MARCHF8: variants seen among roughly 807,000 people sequenced by gnomAD.
MARCHF8 encodes membrane associated ring-CH-type finger 8.
In MARCHF8, 40 loss-of-function variants were observed where a neutral mutation model predicts 51.6. That is an observed-to-expected ratio of 0.77 (90% CI 0.60 to 1.01). MARCHF8 has a LOEUF of 1.01. Ranked by LOEUF, MARCHF8 falls within the 50% of genes least tolerant of loss-of-function variation. MARCHF8 has a pLI of 0.00. For synonymous variants in MARCHF8, 263 were observed against 280.3 expected (o/e 0.94, Z 0.62); for missense variants, 685 against 708.6 (o/e 0.97, Z 0.38).
chr10:45,522,161 T>A (rs1564500137), intron 2 of MARCHF8, among the ~76,000 whole-genome samples: 1 of 152,220 alleles, frequency 6.6e-6, no homozygotes, highest in Non-Finnish European at 1.5e-5. Context: ...AAACTCTGCA[T>A]ATTAATTTAA....
chr10:45,471,879 T>A (rs138059270), intron 3 of MARCHF8, among the ~76,000 whole-genome samples: 170 of 152,360 alleles, frequency 1.1e-3, no homozygotes, highest in African/African-American at 3.8e-3. Context: ...TCTTGATTCT[T>A]GATGACCTAG....
At chr10:45,568,395 C>T (rs968685121) in intron 1 of MARCHF8, among the ~76,000 whole-genome samples, 2 of 152,122 alleles carry the variant, frequency 1.3e-5, no homozygotes, top group African/African-American at 4.8e-5. Flanking sequence ...CTGGACCACA[C>T]TGGAAGAACT....
chr10:45,564,985 T>C (rs1380272094), intron 1 of MARCHF8, among the ~76,000 whole-genome samples: 4 of 98,702 alleles, frequency 4.1e-5, no homozygotes, highest in Non-Finnish European at 6.0e-5. Context: ...TAGGATCCAC[T>C]AAAAAAAAAA....
intron 3 of MARCHF8, among the ~76,000 whole-genome samples, chr10:45,487,295 T>A (rs2042998582): frequency 6.6e-6 from 1 of 152,192 alleles, no homozygotes; most frequent in South Asian, 2.1e-4. Context: ...CAAACAGTTT[T>A]TTTTAACTAT....
intron 1 of MARCHF8, among the ~76,000 whole-genome samples, chr10:45,569,064 C>CAA (rs71023131): frequency 0.026 from 1,633 of 63,088 alleles, 38 homozygotes; most frequent in Non-Finnish European, 0.027. Context: ...GACTCCATCT[C>CAA]AAAAAAAAAA....
At chr10:45,569,064 CAAAAAAAA>C (rs71023131) in intron 1 of MARCHF8, among the ~76,000 whole-genome samples, 7 of 64,430 alleles carry the variant, frequency 1.1e-4, no homozygotes, top group African/African-American at 4.3e-4. Context: ...GACTCCATCT[CAAAAAAAA>C]AAAAAAAAAA....
rs138415497 is a variant in MARCHF8, at chr10:45,505,766, A to G, written c.103-16349T>C. On this transcript the variant is annotated intron_variant, in intron 2 of 7. Coordinates refer to ENST00000453424, the MANE Select transcript of MARCHF8 (RefSeq NM_001282866.2). ...ATCTTTGTGAATGGTTTAATGGGTG[A>G]GCAACTATAAATAGTCTGGTTTGTT... 2.1e-3 allele frequency among the ~76,000 whole-genome samples: 319 copies of G among 152,366 alleles called. 1 individual carries two copies. Among genetic ancestry groups the G allele is most frequent in the African/African-American group, 7.2e-3 (301 of 41,586 alleles).
intron 4 of MARCHF8, 97 bp downstream of exon 4, chr10:45,464,127 GTTTAGACCAAAGGCA>G: frequency 6.5e-7 from 1 of 1,547,464 alleles, no homozygotes; most frequent in Non-Finnish European, 8.8e-7. Context: ...CTCGCCAACT[GTTTAGACCAAAGGCA>G]GATTGATTAA....
At chr10:45,548,589 CAA>C (rs747758767) in intron 1 of MARCHF8, among the ~76,000 whole-genome samples, 4 of 152,120 alleles carry the variant, frequency 2.6e-5, no homozygotes, top group Non-Finnish European at 5.9e-5. Flanking sequence ...TGAAAACACT[CAA>C]AGTTAAGAAA....
In MARCHF8 at chr10:45,454,667, G is replaced by A. The variant is rs1842551811; in HGVS notation, c.*3572C>T. On this transcript the variant is annotated 3_prime_UTR_variant, in exon 8 of 8. Coordinates refer to ENST00000453424, the MANE Select transcript of MARCHF8 (RefSeq NM_001282866.2). ...CCCCCCTGTACAGAGAATTATTCAA[G>A]TGGTAATACTGAGAAACAGTGAACA... 6.6e-6 allele frequency: 1 copy of A among 152,216 alleles called. No individual in the cohort carries two copies. Among genetic ancestry groups the A allele is most frequent in the African/African-American group, 2.4e-5 (1 of 41,454 alleles). 9.4% of individuals were successfully genotyped at this position (152,216 alleles called of 1,614,324 possible). A position where few individuals can be genotyped will look rare whatever the true frequency, so the allele number is the denominator to read the frequency against.
intron 2 of MARCHF8, among the ~76,000 whole-genome samples, chr10:45,494,957 T>C (rs2043145790): frequency 6.6e-6 from 1 of 152,136 alleles, no homozygotes; most frequent in Non-Finnish European, 1.5e-5. Context: ...CCATCTCTAC[T>C]AGAAATACAA....
intron 1 of MARCHF8, among the ~76,000 whole-genome samples, chr10:45,582,312 T>G (rs1346898388): frequency 6.6e-6 from 1 of 152,230 alleles, no homozygotes; most frequent in Non-Finnish European, 1.5e-5. Flanking sequence ...CCCGTTCAAC[T>G]ACAGCTATTA....
intron 3 of MARCHF8, among the ~76,000 whole-genome samples, chr10:45,471,158 G>A (rs1362776753): frequency 1.3e-5 from 2 of 152,326 alleles, no homozygotes; most frequent in East Asian, 3.9e-4. Flanking sequence ...CATTATAAAT[G>A]ACTCTCATTA....
Position 45,526,012 on chromosome 10 carries a change from A to G in MARCHF8, c.102+7098T>C, listed in dbSNP as rs561277818. On this transcript the variant is annotated intron_variant, in intron 2 of 7. Coordinates refer to ENST00000453424, the MANE Select transcript of MARCHF8 (RefSeq NM_001282866.2). ...AGTTAAAAAGTAGGGAAATCTGAAT[A>G]AAGCATGGACTTTAAAACTATAATG... Among the ~76,000 whole-genome samples, 10 of 152,300 alleles carry G rather than the reference A, an allele frequency of 6.6e-5. No individual in the cohort carries two copies. In the South Asian group the frequency reaches 2.1e-3, roughly 32 times the overall value.
chr10:45,531,007 G>A (rs946283391), intron 2 of MARCHF8, among the ~76,000 whole-genome samples: 1 of 152,062 alleles, frequency 6.6e-6, no homozygotes, highest in South Asian at 2.1e-4. Context: ...CACACTAGAC[G>A]GAATTACTGG....
chr10:45,522,420 TA>T (rs547933264), intron 2 of MARCHF8, among the ~76,000 whole-genome samples: 1 of 152,194 alleles, frequency 6.6e-6, no homozygotes, highest in Non-Finnish European at 1.5e-5. Context: ...GTCACACTGC[TA>T]ATTAGATGAA....
At chr10:45,561,178 A>C (rs1178829307) in intron 1 of MARCHF8, among the ~76,000 whole-genome samples, 1 of 152,188 alleles carries the variant, frequency 6.6e-6, no homozygotes, top group African/African-American at 2.4e-5. Flanking sequence ...AAATTACTAT[A>C]TACATAGAGA....
In MARCHF8 at chr10:45,464,298, C is replaced by T. The variant is rs373466552; in HGVS notation, c.183G>A (p.Pro61=). 2.4e-5 allele frequency: 39 copies of T among 1,613,998 alleles called. No homozygotes were observed. In the African/African-American group the frequency reaches 3.7e-4, roughly 15 times the overall value. Residue 61 remains proline, a synonymous_variant, in exon 4 of 8, where the codon CCG becomes CCA. Transcript: ENST00000453424. ...KAGSPPSASA[P]APVSSFSRTS... Reference sequence around the variant, plus strand: ...TGCGAGAGAAGGAGGACACCGGAGCCGGAGCTGATGCTGACGGAGGACTCC... The same window carrying T: ...TGCGAGAGAAGGAGGACACCGGAGCTGGAGCTGATGCTGACGGAGGACTCC...
chr10:45,492,549 G>A (rs965617113), intron 2 of MARCHF8, among the ~76,000 whole-genome samples: 16 of 152,088 alleles, frequency 1.1e-4, no homozygotes, highest in African/African-American at 3.6e-4. Flanking sequence ...TGCCCGCCTC[G>A]GCCTCCCAAA....
Sources: allele counts gnomAD v4.1 joint callset (sites outside exome capture counted in the v4.1 genomes callset), GRCh38; gene constraint gnomAD v4.1.1; transcripts MANE v1.5; gene names NCBI Gene and HGNC (gene_info 2026-07-23, HGNC 2026-07-21).